The following ANKHD1 variants were observed in gnomAD, a reference collection of about 807,000 sequenced individuals.
The protein encoded by ANKHD1 is ankyrin repeat and KH domain-containing protein 1.
ANKHD1 carries 31 observed loss-of-function variants against 230.5 expected under a neutral mutation model. That is an observed-to-expected ratio of 0.13 (90% confidence interval 0.10 to 0.18). The LOEUF (loss-of-function observed/expected upper bound fraction) is 0.18, where lower values mean the gene tolerates loss of function less well. ANKHD1 is among the 10% of genes least tolerant of loss of function. The pLI, the probability that ANKHD1 is intolerant of heterozygous loss-of-function variation, is 1.00. For missense variants in ANKHD1, 2,256 were observed against 3,071.3 expected, an observed-to-expected ratio of 0.73 and a Z score of 6.27; for synonymous variants, 1,074 against 1,117.6, an observed-to-expected ratio of 0.96 and a Z score of 0.78.
chr5:140,460,316 AT>A (rs1383980858), intron 9 of ANKHD1, among the ~76,000 whole-genome samples: 1 of 152,150 alleles, frequency 6.6e-6, no homozygotes, highest in Non-Finnish European at 1.5e-5. Context: ...TTCTTTGAAA[AT>A]AATGTCAGAT....
intron 24 of ANKHD1, among the ~76,000 whole-genome samples, chr5:140,514,187 TAAAAAAA>T (rs141993613): frequency 1.8e-5 from 2 of 111,458 alleles, no homozygotes; most frequent in African/African-American, 3.4e-5. Context: ...CTCTCTCTAT[TAAAAAAA>T]AAAAAAAAAA....
chr5:140,447,833 A>T (rs530269046), intron 6 of ANKHD1, among the ~76,000 whole-genome samples: 15 of 152,334 alleles, frequency 9.8e-5, no homozygotes, highest in African/African-American at 3.6e-4. Flanking sequence ...CTCTCAATTT[A>T]GTAAGCTCCC....
At chr5:140,538,286 C>T (rs1346368282) in intron 32 of ANKHD1, 25 bp downstream of exon 32, 1 of 1,609,962 alleles carries the variant, frequency 6.2e-7, no homozygotes. Flanking sequence ...ATCACTGTAA[C>T]TTGATTGACA....
At chr5:140,447,367 T>C (rs1333956662) in intron 6 of ANKHD1, among the ~76,000 whole-genome samples, 1 of 152,106 alleles carries the variant, frequency 6.6e-6, no homozygotes, top group African/African-American at 2.4e-5. Context: ...CATACCCAGC[T>C]AATTTTATTT....
intron 1 of ANKHD1, among the ~76,000 whole-genome samples, chr5:140,420,859 G>C (rs1771918485): frequency 6.6e-6 from 1 of 152,146 alleles, no homozygotes. Flanking sequence ...TGGTCTTTAG[G>C]AGAGGTATAG....
chr5:140,440,981 T>A lies in ANKHD1; in HGVS notation c.766-14T>A. ...AGAATTAACAATTTCTCTGTCTGTA[T>A]ATGTGTTTTAAAGGTATTGCTTGCT... On this transcript the variant is annotated splice_polypyrimidine_tract_variant and intron_variant, in intron 4 of 33. Transcript: ENST00000360839. 6.3e-7 allele frequency: 1 copy of A among 1,583,038 alleles called. No homozygotes were observed.
At chr5:140,487,139 C>A in intron 14 of ANKHD1, 79 bp downstream of exon 14, 1 of 1,430,106 alleles carries the variant, frequency 7.0e-7, no homozygotes, top group Non-Finnish European at 9.4e-7. Context: ...TTTAATGATA[C>A]AGAGTTACTG....
chr5:140,431,226 G>A (rs1307358589), intron 1 of ANKHD1, among the ~76,000 whole-genome samples: 2 of 152,114 alleles, frequency 1.3e-5, no homozygotes, highest in African/African-American at 4.8e-5. Context: ...TCATTTATCT[G>A]TATGGTTTTG....
Position 140,535,540 on chromosome 5 carries a change from T to TA in ANKHD1, c.7027+3dup, listed in dbSNP as rs1427301030. 1.3e-6 allele frequency: 2 copies of TA among 1,586,976 alleles called. No homozygotes were observed. The highest frequency in any genetic ancestry group is 3.9e-5 in the Admixed American group (2 of 51,872). On this transcript the variant is annotated splice_region_variant and intron_variant, in intron 30 of 33. Transcript: ENST00000360839. ...CTTGGACAAGCGCCTCAAACTCATG[T>TA]AGGAATCCTGGAGGAACTCTTCCCA...
intron 7 of ANKHD1, among the ~76,000 whole-genome samples, chr5:140,455,754 T>C (rs1775130628): frequency 6.6e-6 from 1 of 152,124 alleles, no homozygotes; most frequent in South Asian, 2.1e-4. Context: ...CCACAGCCAA[T>C]ATCATACTGA....
Position 140,407,404 on chromosome 5 carries a change from A to T in ANKHD1, c.306+5131A>T, listed in dbSNP as rs187456617. Among the ~76,000 whole-genome samples the T allele has an allele frequency of 1.8e-3, 265 of 150,956 alleles. 2 individuals are homozygous for T. The highest frequency in any genetic ancestry group is 6.2e-3 in the African/African-American group (257 of 41,148). On this transcript the variant is annotated intron_variant, in intron 1 of 33. Transcript: ENST00000360839. ...GAGCCACCACACCCAGCCTATTTTT[A>T]TTTATTTATTTATTTTTAGAGATGG...
intron 10 of ANKHD1, among the ~76,000 whole-genome samples, chr5:140,475,016 A>G (rs763840743): frequency 1.8e-4 from 28 of 152,266 alleles, no homozygotes; most frequent in Middle Eastern, 6.8e-3. Flanking sequence ...ACTTCTGTCA[A>G]TTTCTTAAAA....
At position 140,496,902 on chromosome 5, in the gene ANKHD1, A is replaced by T. The variant is rs748693222; in HGVS notation, c.2628A>T (p.Arg876Ser). 6.2e-7 allele frequency: 1 copy of T among 1,614,210 alleles called. No individual in the cohort carries two copies. Among genetic ancestry groups the T allele is most frequent in the Admixed American group, 1.7e-5 (1 of 60,022 alleles). Residue 876 changes from arginine (R) to serine (S), a missense_variant, in exon 15 of 34, where the codon AGA (arginine) becomes AGT (serine). Coordinates refer to ENST00000360839, the MANE Select transcript of ANKHD1 (RefSeq NM_017747.3). ...TVSLHQQCSH[R>S]GVFPEGEGDG... ...CTCTACACCAACAGTGCTCTCATAGAGGAGTCTTCCCAGAAGGGGAAGGAG... is the reference window on the plus strand; with the variant it reads ...CTCTACACCAACAGTGCTCTCATAGTGGAGTCTTCCCAGAAGGGGAAGGAG...
intron 14 of ANKHD1, among the ~76,000 whole-genome samples, chr5:140,488,372 G>A (rs1751601810): frequency 6.6e-6 from 1 of 151,600 alleles, no homozygotes. Context: ...ATCATCTGAG[G>A]TCAGGAGTTC....
At chr5:140,481,591 A>T (rs188343760) in intron 10 of ANKHD1, among the ~76,000 whole-genome samples, 2 of 152,114 alleles carry the variant, frequency 1.3e-5, no homozygotes, top group Admixed American at 1.3e-4. Flanking sequence ...TGAGTTGTAG[A>T]TCAGAATAAT....
intron 24 of ANKHD1, among the ~76,000 whole-genome samples, chr5:140,520,233 C>T (rs1306805017): frequency 6.6e-6 from 1 of 152,122 alleles, no homozygotes; most frequent in African/African-American, 2.4e-5. Context: ...AATGAGATAC[C>T]ATCTCACACC....
intron 2 of ANKHD1, among the ~76,000 whole-genome samples, chr5:140,437,396 AT>A (rs1773528606): frequency 1.3e-5 from 2 of 152,202 alleles, no homozygotes; most frequent in Admixed American, 1.3e-4. Flanking sequence ...GTAAGAATAC[AT>A]TTGCATTTAA....
intron 10 of ANKHD1, among the ~76,000 whole-genome samples, chr5:140,482,019 CT>C (rs1034663575): frequency 2.0e-5 from 3 of 152,010 alleles, no homozygotes; most frequent in African/African-American, 7.2e-5. Context: ...AAAGAACAAT[CT>C]TTCTGCTATT....
rs766714397 is a variant in ANKHD1, at chr5:140,526,953, T to A, written c.4966T>A (p.Ser1656Thr). 1.2e-6 allele frequency: 2 copies of A among 1,612,848 alleles called. No individual in the cohort carries two copies. The highest frequency in any genetic ancestry group is 1.7e-6 in the Non-Finnish European group (2 of 1,179,598). Residue 1656 changes from serine to threonine, a missense_variant, in exon 27 of 34, where the codon TCC (serine) becomes ACC (threonine). Coordinates refer to ENST00000360839, the MANE Select transcript of ANKHD1 (RefSeq NM_017747.3). ...ACTTGAAGGTGAAGTGACTCCTAAT[T>A]CCTTGTCAACCAGCTACAAGACAGT... ...TRLEGEVTPNSLSTSYKTVSL... is the reference protein window; with the variant it reads ...TRLEGEVTPNTLSTSYKTVSL...
Sources: allele counts gnomAD v4.1 joint callset (sites outside exome capture counted in the v4.1 genomes callset), GRCh38; gene constraint gnomAD v4.1.1; transcripts MANE v1.5; gene names NCBI Gene and HGNC (gene_info 2026-07-23, HGNC 2026-07-21).